Variants in CYREN observed in about 807,000 individuals in gnomAD.
CYREN encodes the protein cell cycle regulator of non-homologous end joining.
Under a neutral mutation model 9.7 loss-of-function variants are expected in CYREN, and 7 were observed. The observed-to-expected ratio is 0.72, with a 90% CI of 0.41 to 1.36. The LOEUF is 1.36. Ranked by LOEUF, CYREN falls within the 40% of genes most tolerant of loss-of-function variation. CYREN has a pLI of 0.01. For missense variants in CYREN, 215 were observed against 198.1 expected, an observed-to-expected ratio of 1.09 and a Z score of -0.51; for synonymous variants, 76 against 77.9, an observed-to-expected ratio of 0.98 and a Z score of 0.13.
intron 2 of CYREN, among the ~76,000 whole-genome samples, chr7:135,097,974 G>A (rs1396512997): frequency 6.6e-6 from 1 of 152,132 alleles, no homozygotes; most frequent in African/African-American, 2.4e-5. Context: ...CTGAGAAAGA[G>A]AAGTTTAACT....
chr7:135,148,096 T>G, intron 2 of CYREN: 2 of 456,086 alleles, frequency 4.4e-6, no homozygotes, highest in East Asian at 6.9e-5. Context: ...TAGGCACGAC[T>G]GCGAAGGCAA....
At chr7:135,096,435 T>C (rs765990822) in intron 2 of CYREN, among the ~76,000 whole-genome samples, 2 of 131,106 alleles carry the variant, frequency 1.5e-5, no homozygotes, top group Non-Finnish European at 3.4e-5. Context: ...AAGAAAGAGA[T>C]ATATATGGCT....
intron 2 of CYREN, among the ~76,000 whole-genome samples, chr7:135,141,660 A>G (rs1047600027): frequency 2.0e-5 from 3 of 151,718 alleles, no homozygotes; most frequent in African/African-American, 4.8e-5. Context: ...TAAATGTGAG[A>G]TCTTTCTTTT....
intron 2 of CYREN, among the ~76,000 whole-genome samples, chr7:135,113,053 A>G (rs1258442763): frequency 6.6e-6 from 1 of 152,206 alleles, no homozygotes; most frequent in Non-Finnish European, 1.5e-5. Flanking sequence ...CTGAGATTAC[A>G]AGCATGAGCT....
chr7:135,116,260 A>C (rs1826297191), intron 2 of CYREN, among the ~76,000 whole-genome samples: 1 of 152,226 alleles, frequency 6.6e-6, no homozygotes, highest in African/African-American at 2.4e-5. Context: ...TCACAAGCCA[A>C]TATGTAGTGG....
At chr7:135,164,724 C>T (rs1585362600), downstream of CYREN, 1 of 1,614,130 alleles carries the variant, frequency 6.2e-7, no homozygotes. Flanking sequence ...GGTCCTCACC[C>T]TCTTTGCCCC....
chr7:135,166,818 G>T lies in CYREN; in HGVS notation c.267C>A (p.Asn89Lys). Residue 89 changes from asparagine (N) to lysine (K), a missense_variant, in exon 4 of 4, where the codon AAC (asparagine) becomes AAA (lysine). Asn to Lys is a moderately conservative substitution (Grantham distance 94). Coordinates refer to ENST00000393114, the MANE Select transcript of CYREN (RefSeq NM_024033.4). ...CGGAGCAGGGAGGGGAGTGCTCTGGGTTATCAGCCCCCGCCAGGGCCGGCT... is the reference window on the plus strand; with the variant it reads ...CGGAGCAGGGAGGGGAGTGCTCTGGTTTATCAGCCCCCGCCAGGGCCGGCT... The part of the protein sequence containing the change: ...CEQPALAGAD[N>K]PEHSPPCSVS... 1 of 1,614,202 alleles carries T rather than the reference G, an allele frequency of 6.2e-7. No individual in the cohort carries two copies. The highest frequency in any genetic ancestry group is 8.5e-7 in the Non-Finnish European group (1 of 1,180,038).
At chr7:135,164,189 C>A (rs556967795), downstream of CYREN, among the ~76,000 whole-genome samples, 1 of 152,364 alleles carries the variant, frequency 6.6e-6, no homozygotes, top group East Asian at 1.9e-4. Flanking sequence ...TTCAAAGCTG[C>A]TTGGGAGAGA....
intron 2 of CYREN, among the ~76,000 whole-genome samples, chr7:135,110,032 G>T (rs1825383579): frequency 6.6e-6 from 1 of 152,162 alleles, no homozygotes; most frequent in South Asian, 2.1e-4. Flanking sequence ...CTTCTTTTCT[G>T]TAGGGTGGCT....
At position 135,115,708 on chromosome 7, in the gene CYREN, C is replaced by G. The variant is rs1350331566; in HGVS notation, n.357-21126G>C. On this transcript the variant is annotated intron_variant and non_coding_transcript_variant, in intron 2 of 2. Transcript: ENST00000459937. ...TATTATCCTACGAAAAAAAAATCTG[C>G]TCTTGAAAATGATGTCAGCTCCATC... The G allele has an allele frequency of 8.6e-6, 9 of 1,047,080 alleles. No homozygotes were observed. In the South Asian group the frequency reaches 1.7e-4, roughly 19 times the overall value. The allele number at this position is 1,047,080 out of a possible 1,614,324, so 64.9% of individuals were successfully genotyped here.
Position 135,115,421 on chromosome 7 carries a change from T to C in CYREN, n.357-20839A>G, listed in dbSNP as rs1376072864. ...AAAAAGCAAAATAAAAGAATGCATA[T>C]CTTTCCAAAGCAAGAAGACTGGCAT... On this transcript the variant is annotated intron_variant and non_coding_transcript_variant, in intron 2 of 2. Coordinates refer to the CYREN transcript ENST00000459937. 4 of 1,551,252 alleles carry C rather than the reference T, an allele frequency of 2.6e-6. No homozygotes were observed. The Admixed American group carries it at 7.8e-5, about 30-fold the overall frequency.
downstream of CYREN, among the ~76,000 whole-genome samples, chr7:135,162,502 C>A (rs1829968789): frequency 6.6e-6 from 1 of 152,222 alleles, no homozygotes; most frequent in African/African-American, 2.4e-5. Context: ...CATAGTTCCA[C>A]ATGGTTAGGG....
intron 2 of CYREN, among the ~76,000 whole-genome samples, chr7:135,122,494 G>A (rs1418403869): frequency 6.6e-6 from 1 of 152,168 alleles, no homozygotes; most frequent in Non-Finnish European, 1.5e-5. Context: ...CCAGACAAGT[G>A]GGTTTCCCCC....
At chr7:135,116,688 T>C (rs893549977) in intron 2 of CYREN, among the ~76,000 whole-genome samples, 2 of 152,174 alleles carry the variant, frequency 1.3e-5, no homozygotes, top group African/African-American at 2.4e-5. Flanking sequence ...TAGCAGAGGT[T>C]TGAGATCCCC....
downstream of CYREN, chr7:135,165,123 GT>G: frequency 7.9e-7 from 1 of 1,269,070 alleles, no homozygotes; most frequent in Non-Finnish European, 1.1e-6. Context: ...TACAGAGGAG[GT>G]GGGGCCCCTG....
chr7:135,119,581 G>A (rs960074354), intron 2 of CYREN, among the ~76,000 whole-genome samples: 27 of 150,562 alleles, frequency 1.8e-4, no homozygotes, highest in African/African-American at 5.3e-4. Flanking sequence ...AAAAACTATC[G>A]AAAGGAGTCA....
At chr7:135,127,092 T>G (rs1827979315) in intron 2 of CYREN, among the ~76,000 whole-genome samples, 1 of 152,060 alleles carries the variant, frequency 6.6e-6, no homozygotes, top group South Asian at 2.1e-4. Context: ...ACCTACAGAA[T>G]GGGAGAAAAT....
chr7:135,160,766 C>T (rs993321726), intron 2 of CYREN, among the ~76,000 whole-genome samples: 11 of 151,576 alleles, frequency 7.3e-5, no homozygotes, highest in African/African-American at 2.4e-4. Context: ...AGAGCCCCTA[C>T]TGTGTATCAA....
intron 2 of CYREN, among the ~76,000 whole-genome samples, chr7:135,160,732 A>AT (rs1207607216): frequency 7.5e-5 from 7 of 93,478 alleles, no homozygotes; most frequent in Non-Finnish European, 1.9e-4. Context: ...TCATTCGCTC[A>AT]TTTAAAAAAA....
Sources: gnomAD v4.1 joint callset for allele counts (sites outside exome capture counted in the v4.1 genomes callset) on GRCh38, gnomAD v4.1.1 for gene constraint, MANE v1.5 for transcripts, NCBI Gene and HGNC (gene_info 2026-07-23, HGNC 2026-07-21) for gene names.